NCALD: variants seen among roughly 807,000 people sequenced by gnomAD.
NCALD encodes neurocalcin-delta.
Under a neutral mutation model 18.6 loss-of-function variants are expected in NCALD, and 10 were observed. The observed-to-expected ratio is 0.54, with a 90% CI of 0.33 to 0.91. NCALD has a LOEUF of 0.91. Ranked by LOEUF, NCALD falls within the 40% of genes least tolerant of loss-of-function variation. The pLI is 0.03. For missense variants in NCALD, 184 were observed against 247.6 expected, an observed-to-expected ratio of 0.74 and a Z score of 1.72; for synonymous variants, 88 against 87.4, an observed-to-expected ratio of 1.01 and a Z score of -0.04.
chr8:101,915,574 A>G (rs1394577321), intron 3 of NCALD: 1 of 152,248 alleles, frequency 6.6e-6, no homozygotes, highest in African/African-American at 2.4e-5. Context: ...TTATGCTGTA[A>G]GTAATATTCA....
intron 2 of NCALD, among the ~76,000 whole-genome samples, chr8:101,982,450 T>G (rs1820655515): frequency 6.6e-6 from 1 of 152,326 alleles, no homozygotes; most frequent in East Asian, 1.9e-4. Context: ...TAAAATACTA[T>G]GAACCTACCT....
chr8:101,728,884 T>C (rs1816691404), intron 1 of NCALD, among the ~76,000 whole-genome samples: 2 of 152,206 alleles, frequency 1.3e-5, no homozygotes, highest in African/African-American at 2.4e-5. Flanking sequence ...ATTTGGGGCA[T>C]GTAATCTTGT....
chr8:101,944,091 G>A (rs1038623519), intron 2 of NCALD, among the ~76,000 whole-genome samples: 1 of 152,180 alleles, frequency 6.6e-6, no homozygotes, highest in Non-Finnish European at 1.5e-5. Context: ...CATATGGGAG[G>A]ATGGTCACCA....
chr8:101,882,674 C>T (rs1816534016), intron 4 of NCALD, among the ~76,000 whole-genome samples: 1 of 152,200 alleles, frequency 6.6e-6, no homozygotes, highest in Non-Finnish European at 1.5e-5. Context: ...TATTATGCCT[C>T]CCTTTGATAT....
chr8:101,778,973 T>TG (rs1811905131), intron 1 of NCALD, among the ~76,000 whole-genome samples: 1 of 151,934 alleles, frequency 6.6e-6, no homozygotes, highest in Non-Finnish European at 1.5e-5. Context: ...GGGAGAGGGA[T>TG]GGGGGATGGA....
chr8:101,927,587 G>A (rs1818383940), intron 2 of NCALD, among the ~76,000 whole-genome samples: 1 of 152,216 alleles, frequency 6.6e-6, no homozygotes, highest in African/African-American at 2.4e-5. Context: ...GGGAAAGGGT[G>A]TGGCACGGTC....
intron 1 of NCALD, among the ~76,000 whole-genome samples, chr8:101,742,917 T>C (rs1158382774): frequency 2.6e-5 from 4 of 152,130 alleles, no homozygotes; most frequent in Non-Finnish European, 4.4e-5. Flanking sequence ...AGTTAGAACA[T>C]GTGGTGTTTG....
At chr8:101,926,266 C>T (rs770320781) in intron 2 of NCALD, among the ~76,000 whole-genome samples, 46 of 152,312 alleles carry the variant, frequency 3.0e-4, no homozygotes, top group Middle Eastern at 6.8e-3. Flanking sequence ...TCAACTTTCC[C>T]GAGGCCTGTT....
At chr8:102,116,143 G>T (rs1167341556) in intron 1 of NCALD, among the ~76,000 whole-genome samples, 1 of 152,084 alleles carries the variant, frequency 6.6e-6, no homozygotes. Context: ...AGCATTAGGA[G>T]ATATACCTAA....
Position 101,688,882 on chromosome 8 carries a change from A to ACC in NCALD, c.*425_*426dup. On this transcript the variant is annotated 3_prime_UTR_variant, in exon 4 of 4. Coordinates refer to ENST00000220931, the MANE Select transcript of NCALD (RefSeq NM_032041.3). ...AATCCAGCATCCGGTGCCATCCATC[A>ACC]CCCCTACGGCACGTGTGACAACAGA... 1.6e-6 allele frequency: 1 copy of ACC among 624,444 alleles called. No individual in the cohort carries two copies. The allele number at this position is 624,444 out of a possible 1,614,324, so 38.7% of individuals were successfully genotyped here.
chr8:101,785,622 G>T (rs1812193810), intron 1 of NCALD, among the ~76,000 whole-genome samples: 1 of 152,166 alleles, frequency 6.6e-6, no homozygotes, highest in Non-Finnish European at 1.5e-5. Flanking sequence ...TATTACAGCA[G>T]TGACCCTGTC....
chr8:101,863,985 T>C (rs1815654380), intron 4 of NCALD, among the ~76,000 whole-genome samples: 1 of 152,100 alleles, frequency 6.6e-6, no homozygotes, highest in Admixed American at 6.6e-5. Context: ...GCATTAGAGA[T>C]TTTTTAAATC....
At chr8:102,051,428 C>A (rs528734230) in intron 1 of NCALD, among the ~76,000 whole-genome samples, 1 of 147,984 alleles carries the variant, frequency 6.8e-6, no homozygotes, top group Non-Finnish European at 1.5e-5. Context: ...GTAGCCTTTG[C>A]GCTCCCCAAA....
intron 3 of NCALD, among the ~76,000 whole-genome samples, chr8:101,898,849 TTA>T (rs1012348770): frequency 1.3e-5 from 2 of 152,114 alleles, no homozygotes; most frequent in African/African-American, 4.8e-5. Context: ...TGAAATTATT[TTA>T]GACATTCTAG....
At chr8:101,983,769 C>T (rs1034824992) in intron 2 of NCALD, among the ~76,000 whole-genome samples, 7 of 152,118 alleles carry the variant, frequency 4.6e-5, no homozygotes, top group African/African-American at 1.2e-4. Flanking sequence ...GGCAGGTGAT[C>T]AGAAAGAAGA....
intron 2 of NCALD, among the ~76,000 whole-genome samples, chr8:101,980,989 A>T (rs995681208): frequency 6.6e-6 from 1 of 152,188 alleles, no homozygotes; most frequent in African/African-American, 2.4e-5. Flanking sequence ...CTCTTTTCCA[A>T]ATAAAGCACT....
chr8:101,979,440 G>T (rs1427034533), intron 2 of NCALD, among the ~76,000 whole-genome samples: 1 of 152,150 alleles, frequency 6.6e-6, no homozygotes, highest in African/African-American at 2.4e-5. Context: ...CGGCAAATAT[G>T]CATGAGAAAT....
rs555696753 is a variant in NCALD, at chr8:101,796,133, T to C, written c.-19-76485A>G. Among the ~76,000 whole-genome samples, 7 of 152,280 alleles carry C rather than the reference T, an allele frequency of 4.6e-5. No homozygotes were observed. The East Asian group carries it at 1.4e-3, about 29-fold the overall frequency. On this transcript the variant is annotated intron_variant, in intron 4 of 6. Coordinates refer to the NCALD transcript ENST00000311028. The stretch of plus-strand genomic sequence containing the variant: ...GAAGAAATGAAAAACAGGAAATAGA[T>C]GAGGACTCACAAAAGCCAGGATCCA...
Position 101,803,322 on chromosome 8 carries a change from C to A in NCALD, c.-19-83674G>T, listed in dbSNP as rs551416210. Among the ~76,000 whole-genome samples, 3 of 152,288 alleles carry A rather than the reference C, an allele frequency of 2.0e-5. No individual in the cohort carries two copies. The South Asian group carries it at 6.2e-4, about 32-fold the overall frequency. On this transcript the variant is annotated intron_variant, in intron 4 of 6. Transcript: ENST00000311028. ...TACTATGTTAAGCCCATTGTTGAGA[C>A]CTACTGCTCAGAAAAAAAGATCCCT...
Sources: gnomAD v4.1 joint callset for allele counts (sites outside exome capture counted in the v4.1 genomes callset) on GRCh38, gnomAD v4.1.1 for gene constraint, MANE v1.5 for transcripts, NCBI Gene and HGNC (gene_info 2026-07-23, HGNC 2026-07-21) for gene names.